The following ABCA12 variants were observed in gnomAD, a reference collection of about 807,000 sequenced individuals.
The protein encoded by ABCA12 is ATP binding cassette subfamily A member 12.
ABCA12 carries 156 observed loss-of-function variants against 293.5 expected under a neutral mutation model. The observed-to-expected ratio is 0.53, with a 90% CI of 0.47 to 0.61. The LOEUF (loss-of-function observed/expected upper bound fraction) is 0.61. Among genes scored for constraint, ABCA12 ranks in the 20% least tolerant of loss-of-function variants. The probability of loss-of-function intolerance (pLI) is 0.00; values close to 1 mark genes in which losing one functional copy is unlikely to be tolerated. For missense variants in ABCA12, 2,797 were observed against 3,090.2 expected, an observed-to-expected ratio of 0.91 and a Z score of 2.25; for synonymous variants, 1,063 against 1,108.0, an observed-to-expected ratio of 0.96 and a Z score of 0.81.
chr2:215,039,764 AAAT>A (rs1701061416), intron 7 of ABCA12, among the ~76,000 whole-genome samples: 1 of 128,986 alleles, frequency 7.8e-6, no homozygotes, highest in African/African-American at 4.5e-5. Context: ...CACAAAAAAT[AAAT>A]AAATAAATAA....
At chr2:215,094,100 T>G (rs1224783029) in intron 2 of ABCA12, among the ~76,000 whole-genome samples, 2 of 152,106 alleles carry the variant, frequency 1.3e-5, no homozygotes, top group Non-Finnish European at 2.9e-5. Flanking sequence ...CCTCACTCTT[T>G]CAGAAGGACT....
intron 22 of ABCA12, among the ~76,000 whole-genome samples, chr2:214,998,752 C>T (rs1304226137): frequency 6.6e-6 from 1 of 152,190 alleles, no homozygotes; most frequent in African/African-American, 2.4e-5. Context: ...TTTTAAACAA[C>T]TTCCCAGGTG....
At chr2:214,988,192 T>C (rs921241408) in intron 26 of ABCA12, among the ~76,000 whole-genome samples, 2 of 152,206 alleles carry the variant, frequency 1.3e-5, no homozygotes, top group African/African-American at 4.8e-5. Flanking sequence ...GACATATTCA[T>C]CTATGACCAA....
intron 2 of ABCA12, among the ~76,000 whole-genome samples, chr2:215,097,395 A>T (rs1702268535): frequency 6.6e-6 from 1 of 152,040 alleles, no homozygotes; most frequent in Non-Finnish European, 1.5e-5. Context: ...ATTATGTAAT[A>T]GATTGCGGAT....
rs769092601 is a variant in ABCA12 at position 215,019,792 on chromosome 2, G to T, written c.1292C>A (p.Ser431Tyr). ...PVPEVLKSKLSQLRNLTELLC... is the reference protein window; with the variant it reads ...PVPEVLKSKLYQLRNLTELLC... Reference sequence around the variant, plus strand: ...AAGTTCGGTCAAGTTTCGAAGTTGAGACAGCTTTCCAAAAAGGGAAAAGAG... The same window carrying T: ...AAGTTCGGTCAAGTTTCGAAGTTGATACAGCTTTCCAAAAAGGGAAAAGAG... Residue 431 changes from serine (S) to tyrosine (Y), a missense_variant, in exon 12 of 53, where the codon TCT (serine) becomes TAT (tyrosine). Transcript: ENST00000272895. 10 of 1,611,138 alleles carry T rather than the reference G, an allele frequency of 6.2e-6. No individual in the cohort carries two copies. The highest frequency in any genetic ancestry group is 6.8e-6 in the Non-Finnish European group (8 of 1,180,008).
At chr2:215,062,985 C>T (rs1242639799) in intron 3 of ABCA12, among the ~76,000 whole-genome samples, 5 of 151,912 alleles carry the variant, frequency 3.3e-5, no homozygotes, top group African/African-American at 1.2e-4. Context: ...GTGCCTGGCA[C>T]ATAGAAGCCT....
chr2:214,997,506 T>C (rs1438394858), intron 23 of ABCA12, among the ~76,000 whole-genome samples, 189 bp downstream of exon 23: 1 of 152,240 alleles, frequency 6.6e-6, no homozygotes, highest in Non-Finnish European at 1.5e-5. Context: ...AAGTGACTTT[T>C]ATGTCACTTT....
At chr2:215,037,553 TGGAGCTTGCCCTA>T (rs1163319718) in intron 7 of ABCA12, among the ~76,000 whole-genome samples, 1 of 152,156 alleles carries the variant, frequency 6.6e-6, no homozygotes, top group Non-Finnish European at 1.5e-5. Flanking sequence ...AAGAAGAAAA[TGGAGCTTGCCCTA>T]ATTAAAGACT....
chr2:214,935,832 T>G (rs570953425), intron 51 of ABCA12, among the ~76,000 whole-genome samples: 30 of 152,268 alleles, frequency 2.0e-4, no homozygotes, highest in South Asian at 1.5e-3. Context: ...AAGAAAGCTA[T>G]TCTTTCCTAG....
intron 8 of ABCA12, among the ~76,000 whole-genome samples, chr2:215,033,813 T>C (rs1050975187): frequency 2.0e-5 from 3 of 151,978 alleles, no homozygotes; most frequent in Admixed American, 6.6e-5. Context: ...TGGTAGCAGG[T>C]GCCTGTAGTC....
intron 39 of ABCA12, among the ~76,000 whole-genome samples, chr2:214,959,361 A>G (rs1232132625): frequency 6.6e-6 from 1 of 152,112 alleles, no homozygotes; most frequent in African/African-American, 2.4e-5. Context: ...CTAGTGTGTT[A>G]TATTTAAATA....
intron 29 of ABCA12, 134 bp from the exon 30 acceptor site, chr2:214,982,517 G>T: frequency 1.5e-6 from 1 of 665,030 alleles, no homozygotes; most frequent in Non-Finnish European, 2.5e-6. Context: ...AAACTCTTGA[G>T]GATTCATAAT....
chr2:214,934,278 A>G, intron 51 of ABCA12, 63 bp from the exon 52 acceptor site: 2 of 1,583,248 alleles, frequency 1.3e-6, no homozygotes, highest in Non-Finnish European at 1.7e-6. Flanking sequence ...ATGACTAGAC[A>G]TAACTTTACC....
chr2:214,986,630 C>G lies in ABCA12; in HGVS notation c.4075G>C (p.Val1359Leu). Residue 1359 changes from valine to leucine, a missense_variant, in exon 28 of 53, where the codon GTT becomes CTT. This residue lies in a region of ABCA12 where 2,130 missense variants were observed against 2,427.0 expected (regional missense o/e 0.88). Coordinates refer to ENST00000272895, the MANE Select transcript of ABCA12 (RefSeq NM_173076.3). ...TTCAGATTGAGGTTATCAACAGCAA[C>G]TTTTGAGCCATAGATCTTTGTGACC... ...HGVTKIYGSKVAVDNLNLNFY... is the reference protein window; with the variant it reads ...HGVTKIYGSKLAVDNLNLNFY... 6.2e-7 allele frequency: 1 copy of G among 1,614,044 alleles called. No homozygotes were observed. Among genetic ancestry groups the G allele is most frequent in the Non-Finnish European group, 8.5e-7 (1 of 1,180,000 alleles).
intron 7 of ABCA12, among the ~76,000 whole-genome samples, chr2:215,040,387 A>G (rs1701074398): frequency 6.6e-6 from 1 of 152,274 alleles, no homozygotes; most frequent in Non-Finnish European, 1.5e-5. Flanking sequence ...TTCAATCATC[A>G]GAGAAATGCA....
intron 11 of ABCA12, among the ~76,000 whole-genome samples, chr2:215,024,158 A>T (rs1700690236): frequency 6.6e-6 from 1 of 152,244 alleles, no homozygotes; most frequent in Admixed American, 6.5e-5. Context: ...TTTTCTCTAC[A>T]GAATTTCTTC....
chr2:215,094,230 TA>T (rs1435812403), intron 2 of ABCA12, among the ~76,000 whole-genome samples: 1 of 152,192 alleles, frequency 6.6e-6, no homozygotes, highest in East Asian at 1.9e-4. Context: ...AATGCCTCTT[TA>T]ATTAAAAACT....
chr2:215,136,372 C>G (rs1248102800), intron 1 of ABCA12, among the ~76,000 whole-genome samples: 3 of 151,842 alleles, frequency 2.0e-5, no homozygotes, highest in African/African-American at 7.3e-5. Context: ...CTACTACTTT[C>G]AAAATGAGGA....
chr2:215,052,370 G>GATATTACCCTA (rs1701336200), intron 5 of ABCA12, 117 bp downstream of exon 5: 4 of 826,330 alleles, frequency 4.8e-6, no homozygotes, highest in Non-Finnish European at 8.1e-6. Context: ...AGTTGCCTGA[G>GATATTACCCTA]ATATTACCCT....
Sources: allele counts gnomAD v4.1 joint callset (sites outside exome capture counted in the v4.1 genomes callset), GRCh38; gene constraint gnomAD v4.1.1; regional missense constraint gnomAD v4.1.1; transcripts MANE v1.5; gene names NCBI Gene and HGNC (gene_info 2026-07-23, HGNC 2026-07-21).